IFT57: variants seen among roughly 807,000 people sequenced by gnomAD.
IFT57 encodes intraflagellar transport protein 57 homolog.
Under a neutral mutation model 56.8 loss-of-function variants are expected in IFT57, and 59 were observed. The observed-to-expected ratio is 1.04, with a 90% confidence interval of 0.84 to 1.29. The LOEUF (loss-of-function observed/expected upper bound fraction) is 1.29. Among genes scored for constraint, IFT57 ranks in the 50% most tolerant of loss-of-function variants. The pLI is 0.00. For missense variants in IFT57, 470 were observed against 522.1 expected, an observed-to-expected ratio of 0.90 and a Z score of 0.97; for synonymous variants, 209 against 186.1, an observed-to-expected ratio of 1.12 and a Z score of -1.00.
chr3:108,188,188 C>A (rs965571533), intron 6 of IFT57, among the ~76,000 whole-genome samples: 1 of 152,008 alleles, frequency 6.6e-6, no homozygotes, highest in Non-Finnish European at 1.5e-5. Context: ...AGGAAAGGGT[C>A]GACCACGATG....
Position 108,161,470 on chromosome 3 carries a change from T to C in IFT57, c.*1007A>G, listed in dbSNP as rs574959675. ...TAGGGTAAAAAATAACTTTTTAAAATTATTTTTGTTGTCCTAAACATAAAG... is the reference window on the plus strand; with the variant it reads ...TAGGGTAAAAAATAACTTTTTAAAACTATTTTTGTTGTCCTAAACATAAAG... On this transcript the variant is annotated 3_prime_UTR_variant, in exon 11 of 11. Transcript: ENST00000264538. The C allele has an allele frequency of 2.6e-5, 4 of 152,092 alleles. No individual in the cohort carries two copies. Among genetic ancestry groups the C allele is most frequent in the Non-Finnish European group, 5.9e-5 (4 of 68,024 alleles). 9.4% of individuals were successfully genotyped at this position (152,092 alleles called of 1,614,324 possible). A position where few individuals can be genotyped will look rare whatever the true frequency, so the allele number is the denominator to read the frequency against.
At chr3:108,210,940 T>A (rs1226779508) in intron 4 of IFT57, among the ~76,000 whole-genome samples, 1 of 152,178 alleles carries the variant, frequency 6.6e-6, no homozygotes, top group Non-Finnish European at 1.5e-5. Context: ...AGTATATTTC[T>A]CTAAATTCAC....
chr3:108,216,725 T>G (rs774593738), intron 3 of IFT57, among the ~76,000 whole-genome samples: 5 of 152,212 alleles, frequency 3.3e-5, no homozygotes, highest in Non-Finnish European at 7.4e-5. Flanking sequence ...GGAATCTGCC[T>G]AAGTATCCAT....
In IFT57 at chr3:108,200,462, G is replaced by A. The variant is rs546866224; in HGVS notation, c.654+6166C>T. On this transcript the variant is annotated intron_variant, in intron 5 of 10. Coordinates refer to ENST00000264538, the MANE Select transcript of IFT57 (RefSeq NM_018010.4). ...AGGGGTAGGTGGTAAGTGGTGATGA[G>A]GGTTTGAGAGATGGGTGGGTTTAAA... Among the ~76,000 whole-genome samples the A allele has an allele frequency of 2.0e-4, 30 of 152,164 alleles. No homozygotes were observed. In the South Asian group the frequency reaches 6.0e-3, roughly 31 times the overall value.
chr3:108,195,610 A>G (rs1307002627), intron 5 of IFT57, among the ~76,000 whole-genome samples: 1 of 152,200 alleles, frequency 6.6e-6, no homozygotes, highest in Non-Finnish European at 1.5e-5. Context: ...AAAACAAGGT[A>G]TATATACACA....
chr3:108,216,372 A>T (rs1428446071), intron 3 of IFT57, among the ~76,000 whole-genome samples: 4 of 152,202 alleles, frequency 2.6e-5, no homozygotes, highest in Admixed American at 2.6e-4. Flanking sequence ...ATATGCAAAA[A>T]TGCTTGACAT....
chr3:108,163,095 T>C (rs972898327), intron 10 of IFT57, among the ~76,000 whole-genome samples: 5 of 152,030 alleles, frequency 3.3e-5, no homozygotes, highest in African/African-American at 1.2e-4. Flanking sequence ...TCAGTATATA[T>C]CAATAGAACT....
intron 5 of IFT57, among the ~76,000 whole-genome samples, chr3:108,194,477 T>TA (rs3053409): frequency 0.25 from 36,636 of 148,300 alleles, 5,802 homozygotes; most frequent in Non-Finnish European, 0.34. Context: ...TTCACAGAAA[T>TA]AAAAAAAAAA....
Position 108,222,221 on chromosome 3 carries a change from G to A in IFT57, c.102C>T (p.Pro34=), listed in dbSNP as rs150114125. ...CCACGAACATGTGGTAGGCCGCGCCGGGCCCCCGCTCCAAGACCACTTCCC... is the reference window on the plus strand; with the variant it reads ...CCACGAACATGTGGTAGGCCGCGCCAGGCCCCCGCTCCAAGACCACTTCCC... ...GTGEVVLERG[P]GAAYHMFVVM... Residue 34 remains proline (P), a synonymous_variant, in exon 1 of 11, where the codon CCC becomes CCT. Transcript: ENST00000264538. The A allele has an allele frequency of 1.9e-6, 3 of 1,614,064 alleles. No individual in the cohort carries two copies. Among genetic ancestry groups the A allele is most frequent in the Admixed American group, 1.7e-5 (1 of 60,030 alleles).
intron 6 of IFT57, among the ~76,000 whole-genome samples, chr3:108,187,519 C>T (rs191185781): frequency 9.5e-4 from 145 of 151,930 alleles, no homozygotes; most frequent in Non-Finnish European, 1.8e-3. Flanking sequence ...GAAGACTGCT[C>T]TGCCTATGGA....
chr3:108,166,486 T>G (rs954527327), intron 8 of IFT57, among the ~76,000 whole-genome samples: 1 of 152,106 alleles, frequency 6.6e-6, no homozygotes, highest in Non-Finnish European at 1.5e-5. Flanking sequence ...CTTTGACACA[T>G]GTAAATGCAT....
At position 108,222,409 on chromosome 3, in the gene IFT57, C is replaced by T; in HGVS notation, c.-87G>A. ...AGCCCTGCCGCCGCCAGTACAGCCACGACCGGTTACCAGGCGACCACCGGA... is the reference window on the plus strand; with the variant it reads ...AGCCCTGCCGCCGCCAGTACAGCCATGACCGGTTACCAGGCGACCACCGGA... On this transcript the variant is annotated 5_prime_UTR_variant, in exon 1 of 11. In the 5' UTR this introduces an upstream ATG that the reference lacks. Coordinates refer to ENST00000264538, the MANE Select transcript of IFT57 (RefSeq NM_018010.4). 1 of 1,162,502 alleles carries T rather than the reference C, an allele frequency of 8.6e-7. No homozygotes were observed. The highest frequency in any genetic ancestry group is 2.8e-5 in the East Asian group (1 of 36,250). The allele number at this position is 1,162,502 out of a possible 1,614,324, so 72.0% of individuals were successfully genotyped here. A position where few individuals can be genotyped will look rare whatever the true frequency, so the allele number is the denominator to read the frequency against.
intron 6 of IFT57, among the ~76,000 whole-genome samples, chr3:108,168,179 G>T (rs1195024696): frequency 5.3e-5 from 8 of 151,830 alleles, no homozygotes; most frequent in African/African-American, 2.4e-5. Context: ...TACTAGAAAA[G>T]AACTACTTGT....
chr3:108,198,244 T>C (rs932180018), intron 5 of IFT57, among the ~76,000 whole-genome samples: 32 of 152,234 alleles, frequency 2.1e-4, no homozygotes, highest in Admixed American at 1.6e-3. Flanking sequence ...ACATAGGCTA[T>C]AATTATTTTT....
chr3:108,208,117 G>A (rs2080323505), intron 4 of IFT57, among the ~76,000 whole-genome samples: 2 of 151,674 alleles, frequency 1.3e-5, no homozygotes, highest in South Asian at 4.2e-4. Flanking sequence ...GCTAAACCTT[G>A]GAAAACCAGA....
At chr3:108,178,670 A>C (rs1029135578) in intron 6 of IFT57, among the ~76,000 whole-genome samples, 8 of 152,106 alleles carry the variant, frequency 5.3e-5, no homozygotes, top group Non-Finnish European at 8.8e-5. Flanking sequence ...CGGGAAATGC[A>C]AATTAAAATG....
chr3:108,172,842 T>C (rs1201525878), intron 6 of IFT57, among the ~76,000 whole-genome samples: 1 of 151,838 alleles, frequency 6.6e-6, no homozygotes, highest in Non-Finnish European at 1.5e-5. Flanking sequence ...GAATTTGTGT[T>C]TGCACTTAAG....
chr3:108,218,711 T>A, intron 2 of IFT57, 58 bp from the exon 3 acceptor site: 1 of 817,198 alleles, frequency 1.2e-6, no homozygotes. Context: ...AAATGTCAAA[T>A]ATTTTAAGCA....
chr3:108,161,265 T>C lies in IFT57; in HGVS notation c.*1212A>G, dbSNP rs117098192. 8 of 151,980 alleles carry C rather than the reference T, an allele frequency of 5.3e-5. No homozygotes were observed. The East Asian group carries it at 1.4e-3, about 26-fold the overall frequency. The allele number at this position is 151,980 out of a possible 1,614,324, so 9.4% of individuals were successfully genotyped here. Reference sequence around the variant, plus strand: ...ATTAAATAAACTGGCATATTTGTCATTGTATTGATTGTCATCCTTTCAGGT... The same window carrying C: ...ATTAAATAAACTGGCATATTTGTCACTGTATTGATTGTCATCCTTTCAGGT... On this transcript the variant is annotated 3_prime_UTR_variant, in exon 11 of 11. Coordinates refer to ENST00000264538, the MANE Select transcript of IFT57 (RefSeq NM_018010.4).
Sources: allele counts gnomAD v4.1 joint callset (sites outside exome capture counted in the v4.1 genomes callset), GRCh38; gene constraint gnomAD v4.1.1; transcripts MANE v1.5; gene names NCBI Gene and HGNC (gene_info 2026-07-23, HGNC 2026-07-21).